The following ATXN7L1 variants were observed in gnomAD, a reference collection of about 807,000 sequenced individuals.
ATXN7L1 encodes the protein ataxin 7 like 1, also known as ataxin-7-like protein 1.
In ATXN7L1, 15 loss-of-function variants were observed where a neutral mutation model predicts 70.8. That is an observed-to-expected ratio of 0.21 (90% CI 0.14 to 0.33). The LOEUF (loss-of-function observed/expected upper bound fraction) is 0.33. ATXN7L1 is among the 10% of genes least tolerant of loss of function. The probability of loss-of-function intolerance (pLI) is 1.00; values close to 1 mark genes in which losing one functional copy is unlikely to be tolerated. For missense variants in ATXN7L1, 975 were observed against 1,097.1 expected, an observed-to-expected ratio of 0.89 and a Z score of 1.57; for synonymous variants, 440 against 445.1, an observed-to-expected ratio of 0.99 and a Z score of 0.14.
intron 3 of ATXN7L1, among the ~76,000 whole-genome samples, chr7:105,736,959 T>G (rs1797448463): frequency 6.6e-6 from 1 of 152,220 alleles, no homozygotes; most frequent in Non-Finnish European, 1.5e-5. Flanking sequence ...TAAAACGAAT[T>G]GTGGGAAATT....
chr7:105,790,464 T>G (rs1007400021), intron 2 of ATXN7L1, among the ~76,000 whole-genome samples: 1 of 151,996 alleles, frequency 6.6e-6, no homozygotes, highest in Non-Finnish European at 1.5e-5. Context: ...GCCTGTAGTC[T>G]CAGCTACTCA....
At chr7:105,708,671 A>G (rs1244989740) in intron 3 of ATXN7L1, among the ~76,000 whole-genome samples, 1 of 150,698 alleles carries the variant, frequency 6.6e-6, no homozygotes, top group Non-Finnish European at 1.5e-5. Context: ...TATAGAAAGT[A>G]GTTATCATCT....
intron 2 of ATXN7L1, among the ~76,000 whole-genome samples, chr7:105,826,680 C>T (rs1458269092): frequency 6.6e-6 from 1 of 151,554 alleles, no homozygotes; most frequent in Non-Finnish European, 1.5e-5. Flanking sequence ...ACATGGCCAC[C>T]AAGAAAAAAA....
intron 2 of ATXN7L1, among the ~76,000 whole-genome samples, chr7:105,840,447 CA>C (rs35765106): frequency 1.3e-5 from 2 of 152,158 alleles, no homozygotes; most frequent in South Asian, 2.1e-4. Flanking sequence ...TGCCTGGGGC[CA>C]AAAAGCCTGG....
intron 3 of ATXN7L1, among the ~76,000 whole-genome samples, chr7:105,719,333 T>C (rs1794927663): frequency 6.6e-6 from 1 of 152,170 alleles, no homozygotes; most frequent in African/African-American, 2.4e-5. Flanking sequence ...CAGGGTCTAG[T>C]TCAAGGACCC....
intron 3 of ATXN7L1, among the ~76,000 whole-genome samples, chr7:105,752,326 G>A (rs778779464): frequency 1.4e-4 from 21 of 152,218 alleles, no homozygotes; most frequent in Non-Finnish European, 1.8e-4. Flanking sequence ...GATCCAGAAG[G>A]TGGAACAGTT....
At chr7:105,852,476 T>G (rs79427863) in intron 2 of ATXN7L1, among the ~76,000 whole-genome samples, 1 of 152,108 alleles carries the variant, frequency 6.6e-6, no homozygotes, top group Non-Finnish European at 1.5e-5. Context: ...TTCCAGACCA[T>G]GAAGCAAGGA....
At chr7:105,802,392 C>G (rs1563105332) in intron 2 of ATXN7L1, among the ~76,000 whole-genome samples, 1 of 152,094 alleles carries the variant, frequency 6.6e-6, no homozygotes, top group African/African-American at 2.4e-5. Context: ...TCAGACACCC[C>G]CAGCTGCCTT....
chr7:105,781,146 C>T (rs1383727175), intron 3 of ATXN7L1, among the ~76,000 whole-genome samples: 1 of 152,058 alleles, frequency 6.6e-6, no homozygotes, highest in African/African-American at 2.4e-5. Flanking sequence ...AGAATGAGCC[C>T]CACAGCAAAG....
intron 3 of ATXN7L1, 171 bp downstream of exon 3, chr7:105,788,433 A>G: frequency 1.7e-6 from 1 of 599,452 alleles, no homozygotes; most frequent in Non-Finnish European, 3.0e-6. Context: ...CAGCAGAAGG[A>G]CTACAGCTCC....
intron 3 of ATXN7L1, among the ~76,000 whole-genome samples, chr7:105,677,745 T>C (rs1461189953): frequency 3.3e-5 from 5 of 152,324 alleles, no homozygotes; most frequent in African/African-American, 1.2e-4. Context: ...TCCCTGCCCC[T>C]GAATTAAATT....
chr7:105,716,910 T>A (rs1013590893), intron 3 of ATXN7L1, among the ~76,000 whole-genome samples: 3 of 151,830 alleles, frequency 2.0e-5, no homozygotes, highest in African/African-American at 4.8e-5. Context: ...AAAGAAAATT[T>A]AAAAAATCTA....
intron 3 of ATXN7L1, among the ~76,000 whole-genome samples, chr7:105,754,522 C>T (rs1799575789): frequency 6.6e-6 from 1 of 152,102 alleles, no homozygotes; most frequent in South Asian, 2.1e-4. Context: ...AGCGTAGCTG[C>T]CTTCCATAGC....
chr7:105,855,069 C>T (rs988208945), intron 2 of ATXN7L1, among the ~76,000 whole-genome samples: 4 of 151,930 alleles, frequency 2.6e-5, no homozygotes, highest in African/African-American at 7.2e-5. Context: ...ATTCTCCTGC[C>T]TCAGCCTCCC....
chr7:105,778,824 A>G (rs1803140110), intron 3 of ATXN7L1, among the ~76,000 whole-genome samples: 1 of 152,184 alleles, frequency 6.6e-6, no homozygotes, highest in Non-Finnish European at 1.5e-5. Context: ...GCTTTCATGT[A>G]TTTAAAGGTC....
intron 7 of ATXN7L1, among the ~76,000 whole-genome samples, chr7:105,633,294 T>C (rs915620600): frequency 2.0e-5 from 3 of 152,222 alleles, no homozygotes; most frequent in African/African-American, 7.2e-5. Flanking sequence ...AGGCAGTCAC[T>C]TGGATCCAGG....
intron 2 of ATXN7L1, among the ~76,000 whole-genome samples, chr7:105,859,430 C>T (rs1816229362): frequency 6.6e-6 from 1 of 152,088 alleles, no homozygotes; most frequent in Non-Finnish European, 1.5e-5. Context: ...TACACACACA[C>T]AGTCGCATAA....
chr7:105,754,398 TTTC>T (rs1313474367), intron 3 of ATXN7L1, among the ~76,000 whole-genome samples: 1 of 151,282 alleles, frequency 6.6e-6, no homozygotes, highest in Non-Finnish European at 1.5e-5. Context: ...CTTTTCTTTC[TTTC>T]TTTTTTTTTT....
intron 2 of ATXN7L1, among the ~76,000 whole-genome samples, chr7:105,813,775 G>A (rs1808791267): frequency 6.6e-6 from 1 of 151,944 alleles, no homozygotes; most frequent in Non-Finnish European, 1.5e-5. Context: ...TTTTCTCTCT[G>A]ACTCTGCTAA....
Sources: gnomAD v4.1 joint callset for allele counts (sites outside exome capture counted in the v4.1 genomes callset) on GRCh38, gnomAD v4.1.1 for gene constraint, MANE v1.5 for transcripts, NCBI Gene and HGNC (gene_info 2026-07-23, HGNC 2026-07-21) for gene names.